Variants in LPAR1 observed in about 807,000 individuals in gnomAD.
The protein encoded by LPAR1 is lysophosphatidic acid receptor 1, also known as LPA receptor 1.
A neutral mutation model predicts 23.8 loss-of-function variants in LPAR1; 5 were observed. That is an observed-to-expected ratio of 0.21 (90% CI 0.11 to 0.44). LPAR1 has a LOEUF of 0.44. Ranked by LOEUF, LPAR1 falls within the 20% of genes least tolerant of loss-of-function variation. The pLI is 0.99. For synonymous variants in LPAR1, 160 were observed against 164.7 expected (o/e 0.97, Z 0.22); for missense variants, 311 against 482.8 (o/e 0.64, Z 3.33).
Position 110,960,893 on chromosome 9 carries a change from C to T in LPAR1, c.45+11180G>A, listed in dbSNP as rs868094530. On this transcript the variant is annotated intron_variant, in intron 4 of 5. Transcript: ENST00000683809. ...TGCAGCCTTACTTGAACTGACAGGT[C>T]AAAACAATGTAATAATTCATACTGA... is the stretch of plus-strand genomic sequence containing the variant. 7.5e-4 allele frequency among the ~76,000 whole-genome samples: 114 copies of T among 152,044 alleles called. 2 individuals carry two copies. Among genetic ancestry groups the T allele is most frequent in the Admixed American group, 7.0e-3 (107 of 15,268 alleles).
chr9:110,883,521 C>G (rs2081441337), intron 5 of LPAR1, among the ~76,000 whole-genome samples: 1 of 151,970 alleles, frequency 6.6e-6, no homozygotes, highest in Non-Finnish European at 1.5e-5. Context: ...AAGACAGAAG[C>G]AAAAGCAAGG....
intron 5 of LPAR1, among the ~76,000 whole-genome samples, chr9:110,910,518 G>T (rs1010790584): frequency 1.3e-5 from 2 of 152,178 alleles, no homozygotes; most frequent in Non-Finnish European, 2.9e-5. Flanking sequence ...CCATTCTGCA[G>T]CCCATGGATC....
At chr9:110,950,583 A>C (rs934286593) in intron 4 of LPAR1, among the ~76,000 whole-genome samples, 5 of 152,158 alleles carry the variant, frequency 3.3e-5, no homozygotes, top group African/African-American at 1.2e-4. Flanking sequence ...AAGAGAGTTT[A>C]ACAAATTTTC....
At chr9:110,950,593 C>T (rs1303989890) in intron 4 of LPAR1, among the ~76,000 whole-genome samples, 1 of 151,554 alleles carries the variant, frequency 6.6e-6, no homozygotes, top group African/African-American at 2.4e-5. Flanking sequence ...AACAAATTTT[C>T]TGAATTAATC....
chr9:110,964,933 G>A (rs978899944), intron 4 of LPAR1, among the ~76,000 whole-genome samples: 6 of 140,222 alleles, frequency 4.3e-5, no homozygotes, highest in South Asian at 2.2e-4. Flanking sequence ...GTGCGATCTC[G>A]GCTCACTGCA....
At chr9:110,899,911 T>C (rs1159154242) in intron 5 of LPAR1, among the ~76,000 whole-genome samples, 2 of 152,076 alleles carry the variant, frequency 1.3e-5, no homozygotes, top group Non-Finnish European at 2.9e-5. Flanking sequence ...ACCACCCCCA[T>C]GCCCCCATGG....
intron 2 of LPAR1, among the ~76,000 whole-genome samples, chr9:111,025,800 G>A (rs1429583004): frequency 1.3e-5 from 2 of 152,160 alleles, no homozygotes; most frequent in Non-Finnish European, 2.9e-5. Context: ...TTATTAAATA[G>A]GAAATCCTTT....
At chr9:110,939,810 A>T (rs1166201216) in intron 5 of LPAR1, among the ~76,000 whole-genome samples, 1 of 152,230 alleles carries the variant, frequency 6.6e-6, no homozygotes, top group East Asian at 1.9e-4. Context: ...TATGAGTAGC[A>T]CTTGTCGTAA....
At chr9:110,878,667 A>G (rs963446039) in intron 5 of LPAR1, among the ~76,000 whole-genome samples, 2 of 152,176 alleles carry the variant, frequency 1.3e-5, no homozygotes, top group African/African-American at 4.8e-5. Context: ...CCTCCTCCAC[A>G]TGGCACAGTG....
chr9:110,902,348 G>A (rs924350736), intron 5 of LPAR1, among the ~76,000 whole-genome samples: 4 of 152,082 alleles, frequency 2.6e-5, no homozygotes, highest in Admixed American at 2.6e-4. Context: ...CCTGGTGGGA[G>A]GTTATTGAAT....
rs771487128 is a variant in LPAR1, at chr9:110,875,724, T to A, written c.794-2A>T. 6.4e-7 allele frequency: 1 copy of A among 1,572,636 alleles called. No homozygotes were observed. The highest frequency in any genetic ancestry group is 8.7e-7 in the Non-Finnish European group (1 of 1,154,594). ...GAGTCCAGCAGATGATAAAGGCCCC[T>A]ACAAGGACAAGGATAGGGATCAGAA... On this transcript the variant is annotated splice_acceptor_variant, in intron 5 of 5. Transcript: ENST00000683809. LOFTEE classifies it high-confidence loss of function.
At chr9:110,993,247 T>C (rs1037210395) in intron 2 of LPAR1, among the ~76,000 whole-genome samples, 6 of 152,156 alleles carry the variant, frequency 3.9e-5, no homozygotes, top group African/African-American at 1.4e-4. Context: ...TTACATTAGG[T>C]ATTTCTCCTA....
Position 110,964,298 on chromosome 9 carries a change from AAAAT to A in LPAR1, c.45+7771_45+7774del, listed in dbSNP as rs573601779. 2.5e-4 allele frequency among the ~76,000 whole-genome samples: 38 copies of A among 152,334 alleles called. No individual in the cohort carries two copies. The South Asian group carries it at 7.9e-3, about 32-fold the overall frequency. ...ATCTAATCAATGTTTTTAAAAAATA[AAAAT>A]AAATAACCCACCAACTACAAGAACA... On this transcript the variant is annotated intron_variant, in intron 4 of 5. Transcript: ENST00000683809.
intron 5 of LPAR1, among the ~76,000 whole-genome samples, chr9:110,901,380 T>G (rs1258983348): frequency 1.3e-5 from 2 of 152,124 alleles, no homozygotes; most frequent in Non-Finnish European, 2.9e-5. Context: ...AGAGGCAGCA[T>G]GTATTAGTCT....
chr9:110,900,012 T>C (rs981769094), intron 5 of LPAR1, among the ~76,000 whole-genome samples: 1 of 152,106 alleles, frequency 6.6e-6, no homozygotes, highest in South Asian at 2.1e-4. Context: ...AAAAGTTATA[T>C]GAGACAAATA....
chr9:110,970,417 A>C (rs1289577036), intron 4 of LPAR1, among the ~76,000 whole-genome samples: 46 of 152,218 alleles, frequency 3.0e-4, no homozygotes, highest in Admixed American at 2.9e-3. Context: ...CAAACACCCA[A>C]AGTAAATGAA....
At chr9:110,926,990 C>T (rs1457166859) in intron 5 of LPAR1, among the ~76,000 whole-genome samples, 1 of 152,212 alleles carries the variant, frequency 6.6e-6, no homozygotes, top group East Asian at 1.9e-4. Context: ...ATAGTCTGGG[C>T]TGAGGCCCAA....
chr9:110,913,212 C>G (rs917276356), intron 5 of LPAR1, among the ~76,000 whole-genome samples: 1 of 152,116 alleles, frequency 6.6e-6, no homozygotes, highest in African/African-American at 2.4e-5. Flanking sequence ...TATGTATCTA[C>G]GTAGATACCT....
intron 5 of LPAR1, among the ~76,000 whole-genome samples, chr9:110,920,608 G>A (rs1339754575): frequency 2.6e-5 from 4 of 151,846 alleles, no homozygotes; most frequent in Admixed American, 2.0e-4. Context: ...AAATACTAAA[G>A]GCAACAAAAT....
Sources: gnomAD v4.1 joint callset for allele counts (sites outside exome capture counted in the v4.1 genomes callset) on GRCh38, gnomAD v4.1.1 for gene constraint, MANE v1.5 for transcripts, NCBI Gene and HGNC (gene_info 2026-07-23, HGNC 2026-07-21) for gene names.